The following ILRUN variants were observed in gnomAD, a reference collection of about 807,000 sequenced individuals.
ILRUN encodes the protein protein ILRUN.
A neutral mutation model predicts 33.8 loss-of-function variants in ILRUN; 3 were observed. The ratio of observed to expected loss-of-function variants is 0.09; its 90% CI spans 0.04 to 0.23. The LOEUF (loss-of-function observed/expected upper bound fraction) is 0.23, where lower values mean the gene tolerates loss of function less well. Ranked by LOEUF, ILRUN falls within the 10% of genes least tolerant of loss-of-function variation. The pLI, the probability that ILRUN is intolerant of heterozygous loss-of-function variation, is 1.00. For synonymous variants in ILRUN, 124 were observed against 138.9 expected, an observed-to-expected ratio of 0.89 and a Z score of 0.75; for missense variants, 210 against 375.1, an observed-to-expected ratio of 0.56 and a Z score of 3.64.
chr6:34,588,732 G>C lies in ILRUN; in HGVS notation c.*1833C>G, dbSNP rs760676999. The C allele has an allele frequency of 3.4e-4, 52 of 153,506 alleles. No homozygotes were observed. The highest frequency in any genetic ancestry group is 6.9e-4 in the Non-Finnish European group (47 of 68,602). 9.5% of individuals were successfully genotyped at this position (153,506 alleles called of 1,614,324 possible). ...CACGCTTCTCAGCAGGCTGGCTCCAGCCACCCCCAGGGCTTCTCCAGTGGA... is the reference window on the plus strand; with the variant it reads ...CACGCTTCTCAGCAGGCTGGCTCCACCCACCCCCAGGGCTTCTCCAGTGGA... On this transcript the variant is annotated 3_prime_UTR_variant, in exon 5 of 5. Transcript: ENST00000374023.
At chr6:34,591,329 A>G (rs902053845) in intron 4 of ILRUN, among the ~76,000 whole-genome samples, 1 of 152,052 alleles carries the variant, frequency 6.6e-6, no homozygotes, top group Admixed American at 6.5e-5. Context: ...CACCCCTATA[A>G]AAATTTTTTT....
Position 34,600,808 on chromosome 6 carries a change from T to C in ILRUN, c.861+5747A>G, listed in dbSNP as rs147251574. Among the ~76,000 whole-genome samples, 39 of 152,298 alleles carry C rather than the reference T, an allele frequency of 2.6e-4. No homozygotes were observed. In the East Asian group the frequency reaches 7.3e-3, roughly 29 times the overall value. ...TCCTCATTTAAAACGTAGCTGTACA[T>C]TACAGAAAGCCCACAGATGTCAGCC... On this transcript the variant is annotated intron_variant, in intron 4 of 4. Transcript: ENST00000374023.
chr6:34,613,980 G>C (rs1761813405), intron 3 of ILRUN, among the ~76,000 whole-genome samples: 1 of 152,174 alleles, frequency 6.6e-6, no homozygotes, highest in Admixed American at 6.5e-5. Context: ...GTAGCAGAAA[G>C]AAAGTGGTCA....
At chr6:34,683,380 AT>A (rs1171904257) in intron 1 of ILRUN, among the ~76,000 whole-genome samples, 1 of 145,758 alleles carries the variant, frequency 6.9e-6, no homozygotes. Flanking sequence ...TGCATAGAAA[AT>A]TCTGTTATAT....
At chr6:34,626,994 A>C (rs1762149722) in intron 3 of ILRUN, among the ~76,000 whole-genome samples, 1 of 151,420 alleles carries the variant, frequency 6.6e-6, no homozygotes, top group South Asian at 2.1e-4. Context: ...AACAGAGCGA[A>C]ACTCCATCTC....
chr6:34,627,531 ATTG>A (rs1459075368), intron 3 of ILRUN, among the ~76,000 whole-genome samples: 1 of 152,184 alleles, frequency 6.6e-6, no homozygotes, highest in Non-Finnish European at 1.5e-5. Flanking sequence ...AGTATTTGGT[ATTG>A]TTGGCGTTTG....
intron 3 of ILRUN, among the ~76,000 whole-genome samples, chr6:34,633,859 GGGAGGGAGACAT>G (rs1562010971): frequency 7.7e-6 from 1 of 130,596 alleles, no homozygotes. Context: ...AGGAGGGGAG[GGGAGGGAGACAT>G]GGAGGGAGAG....
chr6:34,654,831 C>G, intron 1 of ILRUN, 52 bp from the exon 2 acceptor site: 1 of 1,498,446 alleles, frequency 6.7e-7, no homozygotes, highest in Non-Finnish European at 8.9e-7. Flanking sequence ...AGATATTATC[C>G]TAATTGTTAA....
intron 3 of ILRUN, chr6:34,616,842 A>G: frequency 1.4e-6 from 1 of 701,026 alleles, no homozygotes. Flanking sequence ...AAGGTGTTGC[A>G]GCTTCTTTGC....
At chr6:34,645,123 A>G (rs1280032401) in intron 3 of ILRUN, among the ~76,000 whole-genome samples, 2 of 152,174 alleles carry the variant, frequency 1.3e-5, no homozygotes, top group African/African-American at 4.8e-5. Flanking sequence ...ATATGAGATC[A>G]CTAATTCTAG....
chr6:34,669,289 A>AT (rs35216384), intron 1 of ILRUN, among the ~76,000 whole-genome samples: 28,682 of 118,372 alleles, frequency 0.24, 3,617 homozygotes, highest in African/African-American at 0.32. Flanking sequence ...ACACCCAGCT[A>AT]TTTTTTTTTT....
chr6:34,605,504 C>T (rs959565178), intron 4 of ILRUN, among the ~76,000 whole-genome samples: 2 of 151,608 alleles, frequency 1.3e-5, no homozygotes, highest in African/African-American at 2.4e-5. Context: ...TGGTGGGCAC[C>T]TGTAATCCCA....
Position 34,588,497 on chromosome 6 carries a change from G to GCTC in ILRUN, c.*2065_*2067dup. The GCTC allele has an allele frequency of 3.0e-6, 1 of 332,592 alleles. No individual in the cohort carries two copies. The allele number at this position is 332,592 out of a possible 1,614,324, so 20.6% of individuals were successfully genotyped here. A position where few individuals can be genotyped will look rare whatever the true frequency, so the allele number is the denominator to read the frequency against. On this transcript the variant is annotated 3_prime_UTR_variant, in exon 5 of 5. Transcript: ENST00000374023. ...AGTAAGAACAGCTGGGCATGCATGG[G>GCTC]CTCCAGGGAGGCAGTGTCTCAGGAG...
intron 4 of ILRUN, among the ~76,000 whole-genome samples, chr6:34,605,718 AAACTTT>A (rs1450857869): frequency 1.3e-5 from 2 of 152,214 alleles, no homozygotes; most frequent in East Asian, 3.8e-4. Context: ...AAATAAACAT[AAACTTT>A]ATTTTTAAAA....
At chr6:34,628,000 G>A (rs1450087207) in intron 3 of ILRUN, among the ~76,000 whole-genome samples, 2 of 151,618 alleles carry the variant, frequency 1.3e-5, no homozygotes, top group Non-Finnish European at 2.9e-5. Flanking sequence ...ACCGCCCCTG[G>A]GCCTGCATAC....
intron 1 of ILRUN, 39 bp downstream of exon 1, chr6:34,696,407 G>A (rs1763775720): frequency 1.3e-6 from 2 of 1,535,084 alleles, no homozygotes; most frequent in South Asian, 1.2e-5. Context: ...CGGGGCCCCC[G>A]AGGCCGCTGC....
intron 1 of ILRUN, among the ~76,000 whole-genome samples, chr6:34,661,143 A>T (rs578224410): frequency 9.8e-5 from 15 of 152,340 alleles, no homozygotes; most frequent in Middle Eastern, 3.4e-3. Flanking sequence ...CCAAGTAGAA[A>T]ATAAAAAATA....
intron 1 of ILRUN, among the ~76,000 whole-genome samples, chr6:34,690,083 A>G (rs1763614568): frequency 6.6e-6 from 1 of 152,188 alleles, no homozygotes. Context: ...ATAAAAATCT[A>G]GAAGAGTTAT....
chr6:34,680,356 A>G (rs569338682), intron 1 of ILRUN, among the ~76,000 whole-genome samples: 31 of 152,358 alleles, frequency 2.0e-4, no homozygotes. Flanking sequence ...ACATATAACA[A>G]AAGGTTAACA....
Sources: gnomAD v4.1 joint callset for allele counts (sites outside exome capture counted in the v4.1 genomes callset) on GRCh38, gnomAD v4.1.1 for gene constraint, MANE v1.5 for transcripts, NCBI Gene and HGNC (gene_info 2026-07-23, HGNC 2026-07-21) for gene names.